GTF2F2: variants seen among roughly 807,000 people sequenced by gnomAD.
GTF2F2 encodes ATP-dependent helicase GTF2F2.
Under a neutral mutation model 42.2 loss-of-function variants are expected in GTF2F2, and 23 were observed. The ratio of observed to expected loss-of-function variants is 0.55; its 90% CI spans 0.39 to 0.77. GTF2F2 has a LOEUF of 0.77. Among genes scored for constraint, GTF2F2 ranks in the 30% least tolerant of loss-of-function variants. GTF2F2 has a pLI of 0.00. For synonymous variants in GTF2F2, 105 were observed against 100.8 expected (o/e 1.04, Z -0.25); for missense variants, 261 against 287.2 (o/e 0.91, Z 0.66).
intron 7 of GTF2F2, among the ~76,000 whole-genome samples, chr13:45,268,338 A>G (rs1187231332): frequency 1.3e-5 from 2 of 152,204 alleles, no homozygotes; most frequent in African/African-American, 2.4e-5. Flanking sequence ...TATTTGTGAA[A>G]GGACTTGATT....
intron 7 of GTF2F2, among the ~76,000 whole-genome samples, chr13:45,278,886 C>T (rs7327511): frequency 7.3e-6 from 1 of 137,580 alleles, no homozygotes; most frequent in Non-Finnish European, 1.5e-5. Context: ...TACAGTGGTG[C>T]GATCTCAGCT....
intron 6 of GTF2F2, among the ~76,000 whole-genome samples, chr13:45,260,455 A>T (rs979664690): frequency 1.3e-5 from 2 of 152,208 alleles, no homozygotes; most frequent in African/African-American, 4.8e-5. Context: ...GGGGAGGGGG[A>T]ATAATATCTC....
intron 4 of GTF2F2, among the ~76,000 whole-genome samples, chr13:45,204,620 A>G (rs1935987856): frequency 6.6e-6 from 1 of 152,234 alleles, no homozygotes; most frequent in African/African-American, 2.4e-5. Flanking sequence ...TTTAGTGGAA[A>G]GAATATGAGA....
chr13:45,139,602 G>C (rs1007186218), intron 2 of GTF2F2, among the ~76,000 whole-genome samples: 96 of 152,222 alleles, frequency 6.3e-4, no homozygotes, highest in African/African-American at 2.2e-3. Context: ...CACCCTGCAG[G>C]CTCTATCTCC....
At chr13:45,266,674 A>C (rs1211348508) in intron 6 of GTF2F2, among the ~76,000 whole-genome samples, 1 of 152,142 alleles carries the variant, frequency 6.6e-6, no homozygotes, top group Non-Finnish European at 1.5e-5. Context: ...TTTTGGGGGG[A>C]AATGTACACA....
At chr13:45,162,975 G>C (rs1183524789) in intron 4 of GTF2F2, among the ~76,000 whole-genome samples, 3 of 143,148 alleles carry the variant, frequency 2.1e-5, no homozygotes, top group Non-Finnish European at 4.5e-5. Flanking sequence ...TTGTCCTGGA[G>C]TTGGCGTGTA....
At chr13:45,261,054 A>C (rs574989062) in intron 6 of GTF2F2, among the ~76,000 whole-genome samples, 48 of 152,198 alleles carry the variant, frequency 3.2e-4, no homozygotes, top group African/African-American at 1.1e-3. Context: ...TGAACACGGG[A>C]GACGGAGGCT....
intron 4 of GTF2F2, among the ~76,000 whole-genome samples, chr13:45,174,169 T>C (rs1325986248): frequency 6.6e-6 from 1 of 152,206 alleles, no homozygotes; most frequent in African/African-American, 2.4e-5. Flanking sequence ...TGAACATTTG[T>C]GTATAGATCT....
intron 2 of GTF2F2, among the ~76,000 whole-genome samples, chr13:45,138,589 G>A (rs1869754405): frequency 6.6e-6 from 1 of 152,218 alleles, no homozygotes; most frequent in Non-Finnish European, 1.5e-5. Context: ...GGCCACAGCT[G>A]ATTATAATCC....
chr13:45,162,263 C>T (rs2138133264), intron 4 of GTF2F2, among the ~76,000 whole-genome samples: 1 of 152,306 alleles, frequency 6.6e-6, no homozygotes, highest in East Asian at 1.9e-4. Context: ...CACAGGGCAG[C>T]CATCTTCAAG....
At position 45,184,014 on chromosome 13, in the gene GTF2F2, C is replaced by T. The variant is rs576157875; in HGVS notation, c.305-23410C>T. On this transcript the variant is annotated intron_variant, in intron 4 of 7. Transcript: ENST00000340473. Reference sequence around the variant, plus strand: ...GGGATTACAAGTGTGCACTACCAACCCTGGCTAATTATTGTATTTTTTTTA... The same window carrying T: ...GGGATTACAAGTGTGCACTACCAACTCTGGCTAATTATTGTATTTTTTTTA... 1.1e-4 allele frequency among the ~76,000 whole-genome samples: 17 copies of T among 152,062 alleles called. No homozygotes were observed. The Middle Eastern group carries it at 0.01, about 91-fold the overall frequency.
At chr13:45,262,590 G>A (rs1009025991) in intron 6 of GTF2F2, among the ~76,000 whole-genome samples, 8 of 151,774 alleles carry the variant, frequency 5.3e-5, no homozygotes, top group Non-Finnish European at 8.8e-5. Context: ...ACCACACCCA[G>A]CTAATTTTTG....
chr13:45,196,083 TTAAA>T (rs1399725919), intron 4 of GTF2F2, among the ~76,000 whole-genome samples: 6 of 152,364 alleles, frequency 3.9e-5, no homozygotes, highest in Admixed American at 1.3e-4. Context: ...CTTATTTTCT[TTAAA>T]CAATATTAGA....
At chr13:45,235,041 CAAAAAAAAAAAAAAAAA>C (rs61077504) in intron 5 of GTF2F2, among the ~76,000 whole-genome samples, 36 of 43,718 alleles carry the variant, frequency 8.2e-4, no homozygotes, top group East Asian at 2.3e-3. Context: ...GCGGGAAACT[CAAAAAAAAAAAAAAAAA>C]AAAAAAAAAA....
rs1157066625 is a variant in GTF2F2 at position 45,165,310 on chromosome 13, A to AATAT, written c.304+13498_304+13501dup. ...CATTATCCATTAGATTTATATCTAA[A>AATAT]ATATATATATATATATATATATTTT... On this transcript the variant is annotated intron_variant, in intron 4 of 7. Coordinates refer to ENST00000340473, the MANE Select transcript of GTF2F2 (RefSeq NM_004128.3). Among the ~76,000 whole-genome samples, 717 of 141,674 alleles carry AATAT rather than the reference A, an allele frequency of 5.1e-3. 3 individuals carry two copies. Among genetic ancestry groups the AATAT allele is most frequent in the African/African-American group, 0.016 (602 of 38,826 alleles). The allele number at this position is 141,674 out of a possible 152,430, so 92.9% of individuals were successfully genotyped here.
intron 5 of GTF2F2, among the ~76,000 whole-genome samples, chr13:45,209,785 G>C (rs1227991536): frequency 1.3e-5 from 2 of 152,092 alleles, no homozygotes; most frequent in African/African-American, 4.8e-5. Context: ...CGCAAAACCC[G>C]CTCTACTAGC....
chr13:45,276,079 G>T (rs1272948915), intron 7 of GTF2F2, among the ~76,000 whole-genome samples: 1 of 152,176 alleles, frequency 6.6e-6, no homozygotes, highest in Non-Finnish European at 1.5e-5. Context: ...TGAGGGAATA[G>T]TGACCCAAAA....
chr13:45,283,051 A>G (rs58664085), intron 7 of GTF2F2, among the ~76,000 whole-genome samples: 3,974 of 152,178 alleles, frequency 0.026, 157 homozygotes, highest in Admixed American at 0.1. Flanking sequence ...ACTGGTTTCA[A>G]TCTGTGAACT....
chr13:45,267,513 G>A, intron 7 of GTF2F2, 137 bp downstream of exon 7: 1 of 571,216 alleles, frequency 1.8e-6, no homozygotes, highest in Non-Finnish European at 3.0e-6. Context: ...CAGAAAAGAT[G>A]TCTTAATGCA....
Sources: allele counts gnomAD v4.1 joint callset (sites outside exome capture counted in the v4.1 genomes callset), GRCh38; gene constraint gnomAD v4.1.1; transcripts MANE v1.5; gene names NCBI Gene and HGNC (gene_info 2026-07-23, HGNC 2026-07-21).